Variants in CADPS2 observed in about 807,000 individuals in gnomAD.
The protein encoded by CADPS2 is calcium dependent secretion activator 2.
CADPS2 carries 93 observed loss-of-function variants against 172.5 expected under a neutral mutation model. That is an observed-to-expected ratio of 0.54 (90% confidence interval 0.46 to 0.64). CADPS2 has a LOEUF of 0.64. Among genes scored for constraint, CADPS2 ranks in the 30% least tolerant of loss-of-function variants. The probability of loss-of-function intolerance (pLI) is 0.00; values close to 1 mark genes in which losing one functional copy is unlikely to be tolerated. For missense variants in CADPS2, 1,420 were observed against 1,565.9 expected (o/e 0.91, Z 1.57); for synonymous variants, 546 against 555.2 (o/e 0.98, Z 0.23).
intron 27 of CADPS2, among the ~76,000 whole-genome samples, chr7:122,347,321 A>G (rs751401883): frequency 3.3e-5 from 5 of 152,178 alleles, no homozygotes; most frequent in Non-Finnish European, 7.3e-5. Context: ...TATATAACAT[A>G]ATAAAATTGA....
chr7:122,398,265 A>C (rs2045434403), intron 20 of CADPS2, among the ~76,000 whole-genome samples: 3 of 152,236 alleles, frequency 2.0e-5, no homozygotes, highest in Admixed American at 2.0e-4. Context: ...CTGAGACAAT[A>C]ATCACTGGGT....
intron 2 of CADPS2, among the ~76,000 whole-genome samples, chr7:122,688,040 T>C (rs1047212957): frequency 7.9e-5 from 12 of 152,220 alleles, no homozygotes; most frequent in African/African-American, 2.9e-4. Context: ...TTAATTCACC[T>C]CATTGTCATT....
At chr7:122,448,385 C>T (rs143357953) in intron 15 of CADPS2, among the ~76,000 whole-genome samples, 89 of 152,174 alleles carry the variant, frequency 5.8e-4, no homozygotes, top group East Asian at 2.5e-3. Flanking sequence ...CCTTGACAAA[C>T]GGGGATTATT....
rs544626503 is a variant in CADPS2, at chr7:122,388,473, G to A, written c.3164+110C>T. 7.5e-6 allele frequency: 8 copies of A among 1,069,690 alleles called. No individual in the cohort carries two copies. The African/African-American group carries it at 1.1e-4, about 15-fold the overall frequency. 66.3% of individuals were successfully genotyped at this position (1,069,690 alleles called of 1,614,324 possible). ...CTAATACTCATTAAATGTTGGAATA[G>A]TGGTGCATAATGAAACCTTTGCTGT... On this transcript the variant is annotated intron_variant, in intron 23 of 29. Coordinates refer to ENST00000449022, the MANE Select transcript of CADPS2 (RefSeq NM_017954.11).
chr7:122,689,011 C>A (rs748403914), intron 2 of CADPS2, among the ~76,000 whole-genome samples: 27 of 152,032 alleles, frequency 1.8e-4, no homozygotes, highest in Non-Finnish European at 3.1e-4. Context: ...ATTCCACCCC[C>A]TAGGCTGATG....
intron 12 of CADPS2, among the ~76,000 whole-genome samples, chr7:122,477,352 A>T (rs1201266859): frequency 6.6e-6 from 1 of 151,886 alleles, no homozygotes; most frequent in Non-Finnish European, 1.5e-5. Flanking sequence ...GTCTCTTACT[A>T]AAAAACACAA....
intron 4 of CADPS2, among the ~76,000 whole-genome samples, chr7:122,627,785 C>T (rs2076221191): frequency 6.6e-6 from 1 of 152,162 alleles, no homozygotes; most frequent in South Asian, 2.1e-4. Context: ...CACATCTCTC[C>T]AGGTTCTTTA....
intron 12 of CADPS2, among the ~76,000 whole-genome samples, chr7:122,476,475 A>G (rs947010498): frequency 1.3e-5 from 2 of 152,180 alleles, no homozygotes; most frequent in African/African-American, 4.8e-5. Flanking sequence ...GTTCATTTCT[A>G]TAATTAAATC....
intron 1 of CADPS2, among the ~76,000 whole-genome samples, chr7:122,800,950 C>T (rs564184114): frequency 2.5e-4 from 38 of 149,704 alleles, no homozygotes; most frequent in Non-Finnish European, 4.7e-4. Context: ...CAAGATTGTG[C>T]CACTGTACTC....
At chr7:122,657,360 C>T (rs896436850) in intron 3 of CADPS2, among the ~76,000 whole-genome samples, 1 of 152,110 alleles carries the variant, frequency 6.6e-6, no homozygotes, top group Admixed American at 6.6e-5. Flanking sequence ...TCATTGGTAG[C>T]TTGATGGGGA....
chr7:122,411,901 A>C (rs2151715517), intron 19 of CADPS2, among the ~76,000 whole-genome samples: 1 of 152,382 alleles, frequency 6.6e-6, no homozygotes, highest in East Asian at 1.9e-4. Context: ...AATCAGGTTC[A>C]TAAACATAGA....
At chr7:122,720,611 T>C (rs565967394) in intron 2 of CADPS2, among the ~76,000 whole-genome samples, 6 of 151,824 alleles carry the variant, frequency 4.0e-5, no homozygotes, top group East Asian at 3.9e-4. Flanking sequence ...TATATACGTA[T>C]ACATACATAT....
At chr7:122,547,135 T>G (rs978390698) in intron 8 of CADPS2, among the ~76,000 whole-genome samples, 2 of 151,970 alleles carry the variant, frequency 1.3e-5, no homozygotes, top group African/African-American at 4.8e-5. Context: ...TCTTACAAAT[T>G]AAAACATATT....
rs2151953205 is a variant in CADPS2 at position 122,439,965 on chromosome 7, C to T, written c.2353-1501G>A. Reference sequence around the variant, plus strand: ...TGGGAACCAGAAACTTACTTTCTGGCAAAGTACAGGTAAAGGGCTGGCAAA... The same window carrying T: ...TGGGAACCAGAAACTTACTTTCTGGTAAAGTACAGGTAAAGGGCTGGCAAA... On this transcript the variant is annotated intron_variant, in intron 16 of 29. Transcript: ENST00000449022. Among the ~76,000 whole-genome samples the T allele has an allele frequency of 2.0e-5, 3 of 152,152 alleles. No homozygotes were observed. In the Middle Eastern group the frequency reaches 0.01, roughly 518 times the overall value.
intron 3 of CADPS2, among the ~76,000 whole-genome samples, chr7:122,633,311 TTTCCA>T (rs1424324095): frequency 6.6e-6 from 1 of 152,154 alleles, no homozygotes. Context: ...GATACTGATT[TTTCCA>T]TTCCATGAAT....
At chr7:122,621,985 T>G (rs796988610) in intron 4 of CADPS2, among the ~76,000 whole-genome samples, 1 of 152,152 alleles carries the variant, frequency 6.6e-6, no homozygotes, top group Non-Finnish European at 1.5e-5. Context: ...GTGATAAGAT[T>G]TGCTTAAGGA....
rs901563400 is a variant in CADPS2 at position 122,418,769 on chromosome 7, G to T, written c.2477-2605C>A. The stretch of plus-strand genomic sequence containing the variant: ...ACCTCATGGCTCAGAGAATGATGAT[G>T]TATGGTTGATAAAGTTAGGTAATGG... On this transcript the variant is annotated intron_variant, in intron 17 of 29. Coordinates refer to ENST00000449022, the MANE Select transcript of CADPS2 (RefSeq NM_017954.11). 2.0e-5 allele frequency among the ~76,000 whole-genome samples: 3 copies of T among 152,184 alleles called. No individual in the cohort carries two copies. The East Asian group carries it at 5.8e-4, about 29-fold the overall frequency.
intron 17 of CADPS2, among the ~76,000 whole-genome samples, chr7:122,416,369 G>GC (rs2047922673): frequency 1.3e-5 from 2 of 151,576 alleles, no homozygotes; most frequent in Non-Finnish European, 2.9e-5. Flanking sequence ...AACTGCAAGT[G>GC]CTTTGCCATT....
rs182602517 is a variant in CADPS2 at position 122,607,418 on chromosome 7, C to A, written c.1223+7763G>T. ...CTACTTAAGCCCTTCCAAATTTAGA[C>A]CACTCACTAATTTGTTACATAAACC... On this transcript the variant is annotated intron_variant, in intron 6 of 29. Transcript: ENST00000449022. Among the ~76,000 whole-genome samples, 317 of 152,212 alleles carry A rather than the reference C, an allele frequency of 2.1e-3. 3 individuals carry two copies. Among genetic ancestry groups the A allele is most frequent in the Non-Finnish European group, 3.7e-3 (255 of 68,016 alleles).
Sources: allele counts gnomAD v4.1 joint callset (sites outside exome capture counted in the v4.1 genomes callset), GRCh38; gene constraint gnomAD v4.1.1; transcripts MANE v1.5; gene names NCBI Gene and HGNC (gene_info 2026-07-23, HGNC 2026-07-21).